The following MFSD11 variants were observed in gnomAD, a reference collection of about 807,000 sequenced individuals.
MFSD11 encodes the protein UNC93-like protein MFSD11.
MFSD11 carries 36 observed loss-of-function variants against 53.5 expected under a neutral mutation model. That is an observed-to-expected ratio of 0.67 (90% confidence interval 0.52 to 0.89). The LOEUF is 0.89. Among genes scored for constraint, MFSD11 ranks in the 40% least tolerant of loss-of-function variants. MFSD11 has a pLI of 0.00. For synonymous variants in MFSD11, 186 were observed against 184.9 expected (o/e 1.01, Z -0.05); for missense variants, 530 against 543.9 (o/e 0.97, Z 0.25).
At chr17:76,796,890 T>C in the MFSD11 span, among the ~76,000 whole-genome samples, 1 of 145,026 alleles carries the variant, frequency 6.9e-6, no homozygotes, top group African/African-American at 2.6e-5. Context: ...TGAGGCTCGG[T>C]TGGGCACGGT....
the MFSD11 span, among the ~76,000 whole-genome samples, chr17:76,801,256 G>C: frequency 6.7e-6 from 1 of 150,000 alleles, no homozygotes; most frequent in South Asian, 2.1e-4. Context: ...AGCCAAGCTT[G>C]GTAGCATGCA....
intron 7 of MFSD11, chr17:76,752,899 A>G (rs1410951582): frequency 2.0e-5 from 3 of 152,172 alleles, no homozygotes; most frequent in Admixed American, 6.6e-5. Flanking sequence ...AACATATAAC[A>G]TATAAAAATC....
chr17:76,801,532 C>T, the MFSD11 span, among the ~76,000 whole-genome samples: 14 of 151,168 alleles, frequency 9.3e-5, no homozygotes, highest in African/African-American at 2.2e-4. Flanking sequence ...CTGCAACTTC[C>T]GCCTCCCAGG....
chr17:76,743,703 G>A (rs1273587426), intron 6 of MFSD11, among the ~76,000 whole-genome samples: 3 of 152,030 alleles, frequency 2.0e-5, no homozygotes, highest in East Asian at 1.9e-4. Context: ...CGCAACCTCC[G>A]CCTCCCGGGT....
At chr17:76,737,297 C>T (rs1015554500), upstream of MFSD11, 19 of 1,247,712 alleles carry the variant, frequency 1.5e-5, no homozygotes, top group African/African-American at 3.0e-5. Context: ...ACAGCACGGA[C>T]GGGCTCCGCA....
chr17:76,759,747 G>A (rs914342763), intron 8 of MFSD11, among the ~76,000 whole-genome samples: 18 of 124,962 alleles, frequency 1.4e-4, no homozygotes, highest in Non-Finnish European at 2.8e-4. Context: ...GTGAGCCACC[G>A]TGACCGGCCT....
downstream of MFSD11, among the ~76,000 whole-genome samples, chr17:76,780,564 A>G (rs547103911): frequency 6.7e-5 from 10 of 150,248 alleles, no homozygotes; most frequent in Non-Finnish European, 1.2e-4. Context: ...TGCCCAGGCT[A>G]GAGTGCAGTG....
At chr17:76,752,886 A>T (rs754715926) in intron 7 of MFSD11, 9 of 152,196 alleles carry the variant, frequency 5.9e-5, no homozygotes, top group Admixed American at 1.3e-4. Flanking sequence ...CTGTTGGTAT[A>T]GAAACATATA....
Position 76,738,382 on chromosome 17 carries a change from C to T in MFSD11, c.30C>T (p.Asn10=), listed in dbSNP as rs757038666. The T allele has an allele frequency of 3.1e-6, 5 of 1,614,166 alleles. No homozygotes were observed. The highest frequency in any genetic ancestry group is 4.2e-6 in the Non-Finnish European group (5 of 1,179,994). The part of the protein sequence containing the change: MSPESKKLF[N]IIILGVAFMF... ...CCCCGGAATCTAAAAAGCTTTTCAA[C>T]ATCATTATTTTAGGAGTTGCCTTTA... is the stretch of plus-strand genomic sequence containing the variant. Residue 10 remains asparagine, a synonymous_variant, in exon 1 of 13, where the codon AAC becomes AAT. Transcript: ENST00000685175.
chr17:76,766,354 G>A (rs2080854304), intron 8 of MFSD11, among the ~76,000 whole-genome samples: 1 of 150,822 alleles, frequency 6.6e-6, no homozygotes, highest in African/African-American at 2.4e-5. Context: ...TAGAGGGGGA[G>A]GCTGCAGTGA....
chr17:76,765,786 T>C (rs894005874), intron 8 of MFSD11, among the ~76,000 whole-genome samples: 5 of 151,940 alleles, frequency 3.3e-5, no homozygotes, highest in African/African-American at 4.8e-5. Context: ...TTTCTGCAAA[T>C]AGATTGATGG....
At chr17:76,749,805 G>A (rs553222885) in intron 7 of MFSD11, among the ~76,000 whole-genome samples, 1 of 151,100 alleles carries the variant, frequency 6.6e-6, no homozygotes, top group East Asian at 2.0e-4. Context: ...TAGGAGAATC[G>A]CTTGAACCAG....
At chr17:76,782,006 T>G (rs947092421), downstream of MFSD11, among the ~76,000 whole-genome samples, 7 of 148,732 alleles carry the variant, frequency 4.7e-5, no homozygotes, top group Admixed American at 2.0e-4. Flanking sequence ...TTTTTTTTTG[T>G]AAAGGCAGTG....
chr17:76,785,189 G>T (rs754808229), downstream of MFSD11, among the ~76,000 whole-genome samples: 1 of 152,174 alleles, frequency 6.6e-6, no homozygotes, highest in African/African-American at 2.4e-5. Context: ...GGACATTATC[G>T]TGCTGAGTGA....
At position 76,744,231 on chromosome 17, in the gene MFSD11, G is replaced by A. The variant is rs2078349679; in HGVS notation, c.497-91G>A. The stretch of plus-strand genomic sequence containing the variant: ...TAAAGTAAAAATGTAACGAGGAAGT[G>A]TGTTGACAGTTGTAAGCAGCCCTTG... On this transcript the variant is annotated intron_variant, in intron 6 of 12. Transcript: ENST00000685175. 7 of 1,229,672 alleles carry A rather than the reference G, an allele frequency of 5.7e-6. No individual in the cohort carries two copies. The Admixed American group carries it at 1.9e-4, about 33-fold the overall frequency. 76.2% of individuals were successfully genotyped at this position (1,229,672 alleles called of 1,614,324 possible).
intron 9 of MFSD11, among the ~76,000 whole-genome samples, chr17:76,768,658 A>G (rs2081093224): frequency 6.6e-6 from 1 of 152,144 alleles, no homozygotes; most frequent in South Asian, 2.1e-4. Context: ...CACATTGTAT[A>G]GTATGTATTG....
chr17:76,752,175 G>C (rs773380946), intron 7 of MFSD11, among the ~76,000 whole-genome samples: 1 of 152,184 alleles, frequency 6.6e-6, no homozygotes, highest in Non-Finnish European at 1.5e-5. Flanking sequence ...TCAGTCCTCA[G>C]ACAGCTGCAG....
chr17:76,765,787 A>G (rs2080795722), intron 8 of MFSD11, among the ~76,000 whole-genome samples: 1 of 152,046 alleles, frequency 6.6e-6, no homozygotes, highest in African/African-American at 2.4e-5. Context: ...TTCTGCAAAT[A>G]GATTGATGGG....
Position 76,778,244 on chromosome 17 carries a change from A to G in MFSD11, c.1242A>G (p.Gln414=), listed in dbSNP as rs768807701. The change falls in exon 13 of 13, where the codon CAA becomes CAG. Residue 414 remains glutamine, a synonymous_variant. Transcript: ENST00000685175. The part of the protein sequence containing the change: ...FYSNYLLLHW[Q]LLVMVIFGFF... ...GCAACTACCTTCTCCTTCACTGGCA[A>G]CTCCTGGTCATGGTGATATTTGGGT... is the stretch of plus-strand genomic sequence containing the variant. 3 of 1,613,780 alleles carry G rather than the reference A, an allele frequency of 1.9e-6. No homozygotes were observed. The highest frequency in any genetic ancestry group is 1.1e-5 in the South Asian group (1 of 91,086).
Sources: gnomAD v4.1 joint callset for allele counts (sites outside exome capture counted in the v4.1 genomes callset) on GRCh38, gnomAD v4.1.1 for gene constraint, MANE v1.5 for transcripts, NCBI Gene and HGNC (gene_info 2026-07-23, HGNC 2026-07-21) for gene names.